Variants in CNTN4 observed in about 807,000 individuals in gnomAD.
CNTN4 encodes the protein contactin 4, also known as contactin-4.
In CNTN4, 77 loss-of-function variants were observed where a neutral mutation model predicts 122.5. The observed-to-expected ratio is 0.63, with a 90% confidence interval of 0.52 to 0.76. The LOEUF (loss-of-function observed/expected upper bound fraction) is 0.76. Among genes scored for constraint, CNTN4 ranks in the 30% least tolerant of loss-of-function variants. The pLI, the probability that CNTN4 is intolerant of heterozygous loss-of-function variation, is 0.00. For synonymous variants in CNTN4, 512 were observed against 447.0 expected (o/e 1.15, Z -1.83); for missense variants, 1,256 against 1,259.1 (o/e 1.00, Z 0.04).
At chr3:2,948,686 G>C (rs1185440220) in intron 13 of CNTN4, among the ~76,000 whole-genome samples, 2 of 152,118 alleles carry the variant, frequency 1.3e-5, no homozygotes, top group Non-Finnish European at 2.9e-5. Context: ...TGAGGCTATT[G>C]ATAGACTTTG....
chr3:2,610,514 T>G (rs1368351655), intron 4 of CNTN4, among the ~76,000 whole-genome samples: 1 of 152,188 alleles, frequency 6.6e-6, no homozygotes, highest in Non-Finnish European at 1.5e-5. Context: ...CGATTTCCAC[T>G]GAGTCGCATT....
intron 21 of CNTN4, 113 bp from the exon 22 acceptor site, chr3:3,042,864 T>C: frequency 2.4e-6 from 2 of 821,734 alleles, no homozygotes; most frequent in Non-Finnish European, 4.1e-6. Context: ...CTGCTCATGA[T>C]GTAGTATAGA....
rs67454050 is a variant in CNTN4 at position 2,389,262 on chromosome 3, G to A, written c.-89+50029G>A. On this transcript the variant is annotated intron_variant, in intron 3 of 24. Coordinates refer to ENST00000418658, the MANE Select transcript of CNTN4 (RefSeq NM_175607.3). Reference sequence around the variant, plus strand: ...CCTTTTCACCGTGATCTATCTTCACGTGGCTGCAGCCTTCTCATTATGTTG... The same window carrying A: ...CCTTTTCACCGTGATCTATCTTCACATGGCTGCAGCCTTCTCATTATGTTG... Among the ~76,000 whole-genome samples, 559 of 126,126 alleles carry A rather than the reference G, an allele frequency of 4.4e-3. 19 individuals carry two copies. The highest frequency in any genetic ancestry group is 8.8e-3 in the Middle Eastern group (2 of 226). The allele number at this position is 126,126 out of a possible 152,430, so 82.7% of individuals were successfully genotyped here. A position where few individuals can be genotyped will look rare whatever the true frequency, so the allele number is the denominator to read the frequency against.
At chr3:2,810,525 T>A (rs535297461) in intron 6 of CNTN4, among the ~76,000 whole-genome samples, 1 of 152,342 alleles carries the variant, frequency 6.6e-6, no homozygotes, top group African/African-American at 2.4e-5. Flanking sequence ...TAGGCAAATT[T>A]GTCTTTGGCA....
At chr3:2,324,142 G>C (rs2043367213) in intron 2 of CNTN4, among the ~76,000 whole-genome samples, 1 of 152,154 alleles carries the variant, frequency 6.6e-6, no homozygotes, top group South Asian at 2.1e-4. Flanking sequence ...ATATTGTCTA[G>C]TGTCCTCTGG....
In CNTN4 at chr3:2,137,614, G is replaced by A. The variant is rs114660174; in HGVS notation, c.-145+36975G>A. 2.7e-3 allele frequency among the ~76,000 whole-genome samples: 413 copies of A among 152,284 alleles called. 3 individuals are homozygous for A. Among genetic ancestry groups the A allele is most frequent in the African/African-American group, 9.6e-3 (398 of 41,556 alleles). ...AACTTTATCACATTGGAAAGTTTAT[G>A]AACCTTGTGTAGAAAAAAGATTGCA... On this transcript the variant is annotated intron_variant, in intron 2 of 24. Coordinates refer to ENST00000418658, the MANE Select transcript of CNTN4 (RefSeq NM_175607.3).
chr3:2,623,062 G>A (rs2082049430), intron 4 of CNTN4, among the ~76,000 whole-genome samples: 2 of 152,162 alleles, frequency 1.3e-5, no homozygotes. Context: ...TGTTGTGGGG[G>A]CATATTTACT....
chr3:2,617,474 G>A (rs1462366802), intron 4 of CNTN4, among the ~76,000 whole-genome samples: 3 of 142,976 alleles, frequency 2.1e-5, no homozygotes, highest in Non-Finnish European at 4.5e-5. Flanking sequence ...AGGCTGGAGT[G>A]CAGTGACATG....
At chr3:2,699,359 C>T (rs768484722) in intron 4 of CNTN4, among the ~76,000 whole-genome samples, 3 of 152,228 alleles carry the variant, frequency 2.0e-5, no homozygotes, top group East Asian at 1.9e-4. Context: ...CTGAATGTTG[C>T]GCTAGATTGT....
chr3:2,269,855 C>T (rs570974489), intron 2 of CNTN4, among the ~76,000 whole-genome samples: 2 of 152,078 alleles, frequency 1.3e-5, no homozygotes, highest in Non-Finnish European at 2.9e-5. Flanking sequence ...GCATTCAGGA[C>T]TAGTAGTTGC....
At chr3:2,567,271 A>T (rs2079210476) in intron 3 of CNTN4, among the ~76,000 whole-genome samples, 1 of 152,020 alleles carries the variant, frequency 6.6e-6, no homozygotes, top group Non-Finnish European at 1.5e-5. Flanking sequence ...TATTTTTAGT[A>T]GAGATGGGGT....
intron 12 of CNTN4, among the ~76,000 whole-genome samples, chr3:2,919,450 A>G (rs1356861987): frequency 1.3e-5 from 2 of 152,128 alleles, no homozygotes; most frequent in Non-Finnish European, 2.9e-5. Flanking sequence ...CTTTGTATCA[A>G]GCACCGTGCC....
At chr3:2,634,867 A>G (rs1352469015) in intron 4 of CNTN4, among the ~76,000 whole-genome samples, 2 of 151,892 alleles carry the variant, frequency 1.3e-5, no homozygotes, top group South Asian at 2.1e-4. Context: ...AAAAATAACA[A>G]TAAAATAAAA....
At chr3:2,756,433 A>C (rs903990323) in intron 6 of CNTN4, among the ~76,000 whole-genome samples, 1 of 152,156 alleles carries the variant, frequency 6.6e-6, no homozygotes, top group Admixed American at 6.5e-5. Context: ...CAAGGCAAGA[A>C]ATCTGCTAGC....
intron 2 of CNTN4, among the ~76,000 whole-genome samples, chr3:2,334,569 TA>T (rs11360285): frequency 0.67 from 102,322 of 151,652 alleles, 35,137 homozygotes; most frequent in East Asian, 0.94. Context: ...ATGCAGCAAA[TA>T]ACGTGGTAAA....
At chr3:2,334,395 G>C (rs1403710221) in intron 2 of CNTN4, among the ~76,000 whole-genome samples, 1 of 152,150 alleles carries the variant, frequency 6.6e-6, no homozygotes, top group African/African-American at 2.4e-5. Flanking sequence ...CTTACCTCAA[G>C]TGATCTGCCC....
intron 3 of CNTN4, among the ~76,000 whole-genome samples, chr3:2,549,940 A>G (rs151231441): frequency 0.017 from 2,544 of 152,068 alleles, 32 homozygotes; most frequent in Middle Eastern, 0.061. Flanking sequence ...GGGTGTATGT[A>G]TCCAGCAATT....
intron 4 of CNTN4, among the ~76,000 whole-genome samples, chr3:2,681,579 T>C (rs976010200): frequency 1.3e-5 from 2 of 152,134 alleles, no homozygotes; most frequent in African/African-American, 4.8e-5. Context: ...TACCTAGATA[T>C]GTAGGTTGTA....
intron 14 of CNTN4, among the ~76,000 whole-genome samples, chr3:2,992,540 G>A (rs574857830): frequency 2.0e-5 from 3 of 152,254 alleles, no homozygotes; most frequent in Admixed American, 6.5e-5. Context: ...GGGTGGTGGT[G>A]GGTGGGGATT....
Sources: gnomAD v4.1 joint callset for allele counts (sites outside exome capture counted in the v4.1 genomes callset) on GRCh38, gnomAD v4.1.1 for gene constraint, MANE v1.5 for transcripts, NCBI Gene and HGNC (gene_info 2026-07-23, HGNC 2026-07-21) for gene names.